Variants in TRIM49 observed in about 807,000 individuals in gnomAD.
The protein encoded by TRIM49 is tripartite motif containing 49.
A neutral mutation model predicts 27.4 loss-of-function variants in TRIM49; 5 were observed. That is an observed-to-expected ratio of 0.18 (90% CI 0.10 to 0.38). The LOEUF (loss-of-function observed/expected upper bound fraction) is 0.38. Among genes scored for constraint, TRIM49 ranks in the 10% least tolerant of loss-of-function variants. The pLI, the probability that TRIM49 is intolerant of heterozygous loss-of-function variation, is 1.00. For missense variants in TRIM49, 188 were observed against 487.5 expected (o/e 0.39, Z 5.79); for synonymous variants, 69 against 166.0 (o/e 0.42, Z 4.49).
intron 1 of TRIM49, 144 bp from the exon 2 acceptor site, chr11:89,807,428 T>A (rs1230849851): frequency 6.6e-6 from 1 of 151,566 alleles, no homozygotes; most frequent in African/African-American, 2.4e-5. Flanking sequence ...TGAACACCAG[T>A]GCCTGAATGA....
At chr11:89,807,332 A>C (rs2134649313) in intron 1 of TRIM49, 48 bp from the exon 2 acceptor site, 1 of 151,676 alleles carries the variant, frequency 6.6e-6, no homozygotes, top group Admixed American at 6.6e-5. Context: ...AGCATTCAGA[A>C]AGGTGGAGAC....
At chr11:89,783,819 A>G in the TRIM49 span, among the ~76,000 whole-genome samples, 24 of 144,924 alleles carry the variant, frequency 1.7e-4, no homozygotes, top group Non-Finnish European at 3.4e-4. Flanking sequence ...AATGATTCAG[A>G]AGATGCATTT....
chr11:89,769,360 G>T, the TRIM49 span, among the ~76,000 whole-genome samples: 1 of 135,914 alleles, frequency 7.4e-6, no homozygotes, highest in South Asian at 2.3e-4. Context: ...ACAAAGTAAT[G>T]ATGGCAGGGC....
chr11:89,798,592 A>T lies in TRIM49; in HGVS notation c.897T>A (p.Asp299Glu), dbSNP rs747205462. 9 of 1,547,832 alleles carry T rather than the reference A, an allele frequency of 5.8e-6. 1 individual carries two copies. Among genetic ancestry groups the T allele is most frequent in the Non-Finnish European group, 7.8e-6 (9 of 1,153,582 alleles). The change falls in exon 8 of 8, where the codon GAT becomes GAA. Residue 299 changes from aspartate (D) to glutamate (E), a missense_variant. By Grantham distance (45) the Asp-to-Glu change is conservative. Coordinates refer to ENST00000329758, the MANE Select transcript of TRIM49 (RefSeq NM_020358.2). ...TTCTCAAAATTTCATACAGAAAGATATCATTGTTGGCTTCTTCATGATGCA... is the reference window on the plus strand; with the variant it reads ...TTCTCAAAATTTCATACAGAAAGATTTCATTGTTGGCTTCTTCATGATGCA... ...ITLHHEEANN[D>E]IFLYEILRSM...
At chr11:89,782,391 T>G in the TRIM49 span, 1 of 1,249,712 alleles carries the variant, frequency 8.0e-7, no homozygotes, top group Non-Finnish European at 1.1e-6. Context: ...GTTGGTTTCA[T>G]GATGATTTAT....
the TRIM49 span, chr11:89,786,198 G>A: frequency 4.7e-5 from 6 of 126,952 alleles, no homozygotes; most frequent in Admixed American, 3.8e-4. Context: ...TGGAGGCGCG[G>A]GGCAGAGGCG....
the TRIM49 span, among the ~76,000 whole-genome samples, chr11:89,790,325 TG>T: frequency 2.1e-5 from 3 of 142,364 alleles, no homozygotes; most frequent in Non-Finnish European, 4.6e-5. Flanking sequence ...ACTCCACCTG[TG>T]GGGGCAGGGC....
In TRIM49 at chr11:89,807,798, A is replaced by C. The variant is rs1436626509; in HGVS notation, c.-190-514T>G. On this transcript the variant is annotated intron_variant, in intron 1 of 7. Transcript: ENST00000329758. ...TGGTCCTCTGGTCTCGGCCTTCCAA[A>C]GTGCTAAGAGTACAGGTATAAACCA... Among the ~76,000 whole-genome samples, 4 of 150,044 alleles carry C rather than the reference A, an allele frequency of 2.7e-5. No individual in the cohort carries two copies. The East Asian group carries it at 7.7e-4, about 29-fold the overall frequency.
the TRIM49 span, among the ~76,000 whole-genome samples, chr11:89,790,406 T>C: frequency 6.7e-6 from 1 of 148,950 alleles, no homozygotes; most frequent in African/African-American, 2.5e-5. Flanking sequence ...TTGAAGAGAG[T>C]AGTGGTTCTC....
At chr11:89,766,745 T>C in the TRIM49 span, 27 of 1,506,988 alleles carry the variant, frequency 1.8e-5, no homozygotes, top group South Asian at 3.5e-5. Flanking sequence ...GAGGTTTCTC[T>C]ACATAGTGAG....
chr11:89,771,018 G>A, the TRIM49 span, among the ~76,000 whole-genome samples: 1 of 103,004 alleles, frequency 9.7e-6, no homozygotes, highest in Admixed American at 1.1e-4. Context: ...CTGTCATCCA[G>A]GCTTAAGCGT....
downstream of TRIM49, among the ~76,000 whole-genome samples, chr11:89,796,685 T>C (rs2134630255): frequency 6.7e-6 from 1 of 149,996 alleles, no homozygotes; most frequent in South Asian, 2.1e-4. Flanking sequence ...TTAACTTCAA[T>C]TTTATCGTTT....
the TRIM49 span, among the ~76,000 whole-genome samples, chr11:89,780,123 G>C: frequency 8.9e-6 from 1 of 111,898 alleles, no homozygotes; most frequent in East Asian, 3.1e-4. Context: ...GGGATATTTT[G>C]CTCCTAAAAG....
intron 4 of TRIM49, among the ~76,000 whole-genome samples, chr11:89,802,411 A>G (rs1166076180): frequency 6.6e-6 from 1 of 150,690 alleles, no homozygotes; most frequent in East Asian, 1.9e-4. Flanking sequence ...TGATTTGGCC[A>G]TCTTTGTCTC....
chr11:89,778,198 T>C, the TRIM49 span, among the ~76,000 whole-genome samples: 1 of 151,454 alleles, frequency 6.6e-6, no homozygotes, highest in African/African-American at 2.4e-5. Context: ...AAATTAATTC[T>C]AGTGTATTGG....
the TRIM49 span, chr11:89,768,188 C>T: frequency 1.5e-6 from 2 of 1,349,938 alleles, no homozygotes; most frequent in Admixed American, 3.5e-5. Context: ...GCCACACTCA[C>T]CTCGGAAGTG....
chr11:89,786,386 A>C, the TRIM49 span: 2 of 142,246 alleles, frequency 1.4e-5, 1 homozygote, highest in African/African-American at 5.9e-5. Context: ...AGCCCTAATC[A>C]TAGCTGCACA....
At chr11:89,778,358 A>G in the TRIM49 span, among the ~76,000 whole-genome samples, 1 of 150,740 alleles carries the variant, frequency 6.6e-6, no homozygotes, top group Admixed American at 6.6e-5. Context: ...TAGTAAAAGT[A>G]AAAAAAAACT....
chr11:89,802,396 A>G (rs1330265676), intron 4 of TRIM49, among the ~76,000 whole-genome samples: 1 of 150,466 alleles, frequency 6.6e-6, no homozygotes, highest in African/African-American at 2.5e-5. Flanking sequence ...ATAAGGCTGC[A>G]TTTATGATTT....
Sources: allele counts gnomAD v4.1 joint callset (sites outside exome capture counted in the v4.1 genomes callset), GRCh38; gene constraint gnomAD v4.1.1; transcripts MANE v1.5; gene names NCBI Gene and HGNC (gene_info 2026-07-23, HGNC 2026-07-21).